Variants in TK2 observed in about 807,000 individuals in gnomAD.
TK2 encodes thymidine kinase 2, mitochondrial.
TK2 carries 35 observed loss-of-function variants against 41.9 expected under a neutral mutation model. The observed-to-expected ratio is 0.84, with a 90% CI of 0.64 to 1.11. The LOEUF is 1.11. Among genes scored for constraint, TK2 ranks in the 50% least tolerant of loss-of-function variants. TK2 has a pLI of 0.00. For synonymous variants in TK2, 128 were observed against 129.1 expected, an observed-to-expected ratio of 0.99 and a Z score of 0.06; for missense variants, 320 against 351.1, an observed-to-expected ratio of 0.91 and a Z score of 0.71.
intron 2 of TK2, 52 bp from the exon 3 acceptor site, chr16:66,542,005 T>C (rs368835109): frequency 2.7e-5 from 43 of 1,588,068 alleles, no homozygotes; most frequent in Admixed American, 2.2e-4. Context: ...CCCAGGGGAA[T>C]GTCAGGGAAT....
At chr16:66,548,779 C>T in intron 2 of TK2, 199 bp downstream of exon 2, 1 of 606,552 alleles carries the variant, frequency 1.6e-6, no homozygotes, top group South Asian at 1.9e-5. Context: ...CCTATCTGTG[C>T]AGACTCTGGG....
rs1172753114 is a variant in TK2, at chr16:66,510,463, GTCC to G, written c.*1502_*1504del. On this transcript the variant is annotated 3_prime_UTR_variant, in exon 10 of 10. Coordinates refer to ENST00000544898, the MANE Select transcript of TK2 (RefSeq NM_004614.5). ...CATCCTGCCAATGGCACAAGAACTG[GTCC>G]AAACAGGAAGAACCAGGAGTTGCAG... 1 of 152,280 alleles carries G rather than the reference GTCC, an allele frequency of 6.6e-6. No homozygotes were observed. Among genetic ancestry groups the G allele is most frequent in the East Asian group, 1.9e-4 (1 of 5,188 alleles). 9.4% of individuals were successfully genotyped at this position (152,280 alleles called of 1,614,324 possible).
In TK2 at chr16:66,531,472, G is replaced by A. The variant is rs1965111918; in HGVS notation, c.286-3C>T. ...GAGGCATCGTGGTACATCAGGCCCT[G>A]CAGAAGGGAAAACACAGCACTTTCC... On this transcript the variant is annotated splice_region_variant and splice_polypyrimidine_tract_variant and intron_variant, in intron 4 of 9. Transcript: ENST00000544898. 1 of 1,613,984 alleles carries A rather than the reference G, an allele frequency of 6.2e-7. No individual in the cohort carries two copies.
chr16:66,549,412 C>T lies in TK2; in HGVS notation c.125-403G>A, dbSNP rs1332513625. On this transcript the variant is annotated intron_variant, in intron 1 of 9. Transcript: ENST00000544898. ...GGTGTTCCTCTAGGCCCAGGGCGGG[C>T]ATCGCTGCCCATCCGTCCCACAGGT... 2.8e-6 allele frequency: 3 copies of T among 1,087,670 alleles called. No individual in the cohort carries two copies. In the South Asian group the frequency reaches 8.5e-5, roughly 31 times the overall value. The allele number at this position is 1,087,670 out of a possible 1,614,324, so 67.4% of individuals were successfully genotyped here.
intron 6 of TK2, among the ~76,000 whole-genome samples, chr16:66,526,562 C>T (rs1400157234): frequency 6.6e-6 from 1 of 152,164 alleles, no homozygotes; most frequent in Non-Finnish European, 1.5e-5. Context: ...CCAGCCTGGG[C>T]AACACAGGGA....
chr16:66,549,255 C>CCTG, intron 1 of TK2: 1 of 1,338,668 alleles, frequency 7.5e-7, no homozygotes, highest in Non-Finnish European at 9.6e-7. Context: ...GTACATTATA[C>CCTG]TTTGCATTTT....
intron 4 of TK2, among the ~76,000 whole-genome samples, chr16:66,536,677 T>C (rs113049853): frequency 2.6e-5 from 4 of 152,188 alleles, no homozygotes; most frequent in African/African-American, 9.6e-5. Flanking sequence ...AAGGCTGGAA[T>C]GAGCAACAAG....
chr16:66,514,000 AG>A, intron 8 of TK2, 189 bp from the exon 9 acceptor site: 2 of 675,710 alleles, frequency 3.0e-6, no homozygotes, highest in South Asian at 3.0e-5. Flanking sequence ...GGCCAGGCTG[AG>A]CAAAACAGCA....
chr16:66,525,459 G>A (rs1231182407), intron 6 of TK2, among the ~76,000 whole-genome samples: 1 of 152,270 alleles, frequency 6.6e-6, no homozygotes, highest in Non-Finnish European at 1.5e-5. Context: ...CTTCTGGGTT[G>A]TTGGCAGGTG....
At chr16:66,542,491 C>A (rs1965486851) in intron 2 of TK2, among the ~76,000 whole-genome samples, 1 of 152,166 alleles carries the variant, frequency 6.6e-6, no homozygotes, top group Non-Finnish European at 1.5e-5. Context: ...AGGTAACACA[C>A]CATTATCACA....
chr16:66,520,034 GA>G (rs1964733993), intron 6 of TK2, among the ~76,000 whole-genome samples: 1 of 152,040 alleles, frequency 6.6e-6, no homozygotes, highest in Non-Finnish European at 1.5e-5. Flanking sequence ...GTCCTCAGAA[GA>G]GAAGAGTATT....
At position 66,511,508 on chromosome 16, in the gene TK2, C is replaced by T; in HGVS notation, c.*460G>A. The stretch of plus-strand genomic sequence containing the variant: ...GAGTCGGCTGAAAGTCTGAATGGTG[C>T]CAGCTCCACTGCACACAGGCTGTGT... On this transcript the variant is annotated 3_prime_UTR_variant, in exon 10 of 10. Transcript: ENST00000544898. 3.8e-6 allele frequency: 1 copy of T among 266,218 alleles called. No homozygotes were observed. The highest frequency in any genetic ancestry group is 7.4e-6 in the Non-Finnish European group (1 of 135,122). 16.5% of individuals were successfully genotyped at this position (266,218 alleles called of 1,614,324 possible).
At chr16:66,534,261 C>T (rs1206133665) in intron 4 of TK2, among the ~76,000 whole-genome samples, 1 of 151,960 alleles carries the variant, frequency 6.6e-6, no homozygotes, top group Non-Finnish European at 1.5e-5. Flanking sequence ...TCTCAGCTGC[C>T]CTAACTGCAA....
intron 1 of TK2, 121 bp from the exon 2 acceptor site, chr16:66,549,130 T>C: frequency 6.4e-7 from 1 of 1,556,774 alleles, no homozygotes; most frequent in African/African-American, 1.4e-5. Context: ...AAAAACATTT[T>C]CCATTTTGGG....
At chr16:66,518,066 G>C (rs745665676) in intron 6 of TK2, 189 bp from the exon 7 acceptor site, 14 of 647,546 alleles carry the variant, frequency 2.2e-5, no homozygotes, top group African/African-American at 3.6e-5. Context: ...CTGCTGCCTG[G>C]GAGCGGCTTA....
rs137854431 is a variant in TK2, at chr16:66,531,432, G to A, written c.323C>T (p.Thr108Met). 61 of 1,614,060 alleles carry A rather than the reference G, an allele frequency of 3.8e-5. No individual in the cohort carries two copies. In the Admixed American group the frequency reaches 4.7e-4, roughly 12 times the overall value. Reference sequence around the variant, plus strand: ...GGTGAGCTGCACATAAGTCTGTAGCGTAAGACCCCAGCGAGAGGCATCGTG... The same window carrying A: ...GGTGAGCTGCACATAAGTCTGTAGCATAAGACCCCAGCGAGAGGCATCGTG... ...MYHDASRWGL[T>M]LQTYVQLTML... The change falls in exon 5 of 10, where the codon ACG becomes ATG. Residue 108 changes from threonine (T) to methionine (M), a missense_variant. Transcript: ENST00000544898.
In TK2 at chr16:66,517,919, C is replaced by G; in HGVS notation, c.450-42G>C. ...AAGGGCTTATTCACCTAAGAGAAAA[C>G]TTCTGGGCTATGCAATTCCCCCAAA... On this transcript the variant is annotated intron_variant, in intron 6 of 9. Transcript: ENST00000544898. The surrounding 1 kb of genome is among the most constrained non-coding windows in gnomAD (Gnocchi z 4.3). The G allele has an allele frequency of 6.4e-7, 1 of 1,554,250 alleles. No homozygotes were observed. Among genetic ancestry groups the G allele is most frequent in the Non-Finnish European group, 8.9e-7 (1 of 1,125,318 alleles).
intron 2 of TK2, among the ~76,000 whole-genome samples, chr16:66,545,684 C>T (rs1490994597): frequency 6.6e-6 from 1 of 152,038 alleles, no homozygotes; most frequent in Non-Finnish European, 1.5e-5. Context: ...ATTAGCTGCA[C>T]GTGGTGGCAC....
At chr16:66,522,589 A>G (rs1567528903) in intron 6 of TK2, among the ~76,000 whole-genome samples, 1 of 152,234 alleles carries the variant, frequency 6.6e-6, no homozygotes, top group African/African-American at 2.4e-5. Context: ...GTCTTTGGCC[A>G]GACGCAATGG....
Sources: gnomAD v4.1 joint callset for allele counts (sites outside exome capture counted in the v4.1 genomes callset) on GRCh38, gnomAD v4.1.1 for gene constraint, Gnocchi (gnomAD v3.1) non-coding constraint, MANE v1.5 for transcripts, NCBI Gene and HGNC (gene_info 2026-07-23, HGNC 2026-07-21) for gene names.